Variants in CRACDL observed in about 807,000 individuals in gnomAD.
CRACDL encodes the protein CRACD like.
CRACDL carries 26 observed loss-of-function variants against 70.6 expected under a neutral mutation model. The ratio of observed to expected loss-of-function variants is 0.37; its 90% CI spans 0.27 to 0.51. The LOEUF (loss-of-function observed/expected upper bound fraction) is 0.51. Among genes scored for constraint, CRACDL ranks in the 20% least tolerant of loss-of-function variants. The pLI, the probability that CRACDL is intolerant of heterozygous loss-of-function variation, is 0.94. For synonymous variants in CRACDL, 618 were observed against 615.2 expected (o/e 1.00, Z -0.07); for missense variants, 1,283 against 1,376.9 (o/e 0.93, Z 1.08).
chr2:98,849,247 G>A (rs1706384221), intron 1 of CRACDL, among the ~76,000 whole-genome samples: 1 of 152,194 alleles, frequency 6.6e-6, no homozygotes, highest in African/African-American at 2.4e-5. Context: ...CTTCGTCTGG[G>A]GAAAGGAACC....
At chr2:98,844,825 T>C (rs1706182281) in intron 2 of CRACDL, among the ~76,000 whole-genome samples, 2 of 152,234 alleles carry the variant, frequency 1.3e-5, no homozygotes, top group African/African-American at 4.8e-5. Flanking sequence ...GTGAATGTTA[T>C]TTGCTTCTGA....
intron 3 of CRACDL, among the ~76,000 whole-genome samples, chr2:98,834,710 A>C (rs1052085591): frequency 6.6e-6 from 1 of 152,224 alleles, no homozygotes; most frequent in African/African-American, 2.4e-5. Flanking sequence ...AAAAGATGAA[A>C]CCAAACAAAA....
chr2:98,863,759 G>C (rs980595765), intron 1 of CRACDL, among the ~76,000 whole-genome samples: 5 of 152,128 alleles, frequency 3.3e-5, no homozygotes, highest in African/African-American at 1.2e-4. Context: ...TTCAATTTAT[G>C]ATGGGTATAT....
At chr2:98,821,795 T>G (rs1250030447) in intron 7 of CRACDL, 62 bp downstream of exon 7, 5 of 1,569,314 alleles carry the variant, frequency 3.2e-6, no homozygotes, top group Non-Finnish European at 8.6e-7. Context: ...TCCAGCAAGA[T>G]GTGCCCGTGG....
chr2:98,822,986 G>A lies in CRACDL; in HGVS notation c.1287C>T (p.Asp429=). The A allele has an allele frequency of 1.3e-6, 2 of 1,490,664 alleles. No individual in the cohort carries two copies. The highest frequency in any genetic ancestry group is 2.3e-5 in the Admixed American group (1 of 44,110). The allele number at this position is 1,490,664 out of a possible 1,614,324, so 92.3% of individuals were successfully genotyped here. A position where few individuals can be genotyped will look rare whatever the true frequency, so the allele number is the denominator to read the frequency against. Residue 429 remains aspartate, a synonymous_variant, in exon 7 of 10, where the codon GAC becomes GAT. Transcript: ENST00000397899. This position sits in a 1 kb window ranked among gnomAD's most constrained non-coding sequence, Gnocchi z 4.9. The part of the protein sequence containing the change: ...AATSEAPSAR[D]GPERSVPKEA... ...CCTTCGGGACACTGCGTTCTGGCCC[G>A]TCGCGAGCAGAGGGCGCCTCTGAGG...
intron 1 of CRACDL, among the ~76,000 whole-genome samples, chr2:98,902,199 T>C (rs1306284940): frequency 1.3e-5 from 2 of 152,264 alleles, no homozygotes; most frequent in Middle Eastern, 3.4e-3. Flanking sequence ...AAGAATGTCA[T>C]CAATGAAAGG....
chr2:98,811,532 A>G (rs1473623003), intron 7 of CRACDL, among the ~76,000 whole-genome samples: 2 of 151,600 alleles, frequency 1.3e-5, no homozygotes, highest in African/African-American at 4.8e-5. Context: ...AAAAAAAAAA[A>G]AAAAAAAGAA....
At chr2:98,842,318 A>G (rs1180946935) in intron 2 of CRACDL, among the ~76,000 whole-genome samples, 1 of 151,746 alleles carries the variant, frequency 6.6e-6, no homozygotes, top group African/African-American at 2.4e-5. Flanking sequence ...TTTTACATAA[A>G]TTTAATTTAA....
intron 1 of CRACDL, among the ~76,000 whole-genome samples, chr2:98,874,787 C>A (rs1317833904): frequency 6.6e-6 from 1 of 152,172 alleles, no homozygotes; most frequent in East Asian, 1.9e-4. Context: ...GCACAGGGGA[C>A]AAATGCTGGT....
chr2:98,907,591 C>G lies in CRACDL; in HGVS notation c.-11+28347G>C, dbSNP rs536174302. Among the ~76,000 whole-genome samples, 10 of 152,336 alleles carry G rather than the reference C, an allele frequency of 6.6e-5. No homozygotes were observed. In the South Asian group the frequency reaches 2.1e-3, roughly 32 times the overall value. The stretch of plus-strand genomic sequence containing the variant: ...TGATCTCGGTTTCTTGTGCTCAGCT[C>G]TCTGGTGGCCTCTGCTTCCCTTGTA... On this transcript the variant is annotated intron_variant, in intron 1 of 9. Coordinates refer to ENST00000397899, the MANE Select transcript of CRACDL (RefSeq NM_207362.3).
At chr2:98,905,653 G>C (rs1209082233) in intron 1 of CRACDL, among the ~76,000 whole-genome samples, 2 of 145,582 alleles carry the variant, frequency 1.4e-5, no homozygotes, top group Non-Finnish European at 3.0e-5. Flanking sequence ...TTTTGAGACA[G>C]AGTCTCGTTC....
At chr2:98,834,096 G>T (rs895031983) in intron 3 of CRACDL, among the ~76,000 whole-genome samples, 1 of 152,210 alleles carries the variant, frequency 6.6e-6, no homozygotes, top group Non-Finnish European at 1.5e-5. Flanking sequence ...GCCAAGGGCA[G>T]CTCTTAACCC....
At chr2:98,928,016 G>A (rs1001411969) in intron 1 of CRACDL, among the ~76,000 whole-genome samples, 2 of 151,696 alleles carry the variant, frequency 1.3e-5, no homozygotes, top group African/African-American at 2.4e-5. Context: ...CCCTGTCTCT[G>A]CTAAAAATAC....
chr2:98,843,587 A>C (rs1306510574), intron 2 of CRACDL, among the ~76,000 whole-genome samples: 2 of 152,190 alleles, frequency 1.3e-5, no homozygotes, highest in Non-Finnish European at 2.9e-5. Flanking sequence ...TTGCATATGA[A>C]TGTCCAATTG....
chr2:98,882,910 G>A (rs1004292129), intron 1 of CRACDL, among the ~76,000 whole-genome samples: 1 of 152,336 alleles, frequency 6.6e-6, no homozygotes, highest in South Asian at 2.1e-4. Context: ...GATTCACAGG[G>A]TAGAGGGATG....
intron 1 of CRACDL, among the ~76,000 whole-genome samples, chr2:98,894,188 C>A (rs1708057098): frequency 6.6e-6 from 1 of 152,160 alleles, no homozygotes; most frequent in African/African-American, 2.4e-5. Flanking sequence ...TCTTTCCAAG[C>A]GGAAAGCGAT....
At chr2:98,882,041 C>T (rs1219406479) in intron 1 of CRACDL, among the ~76,000 whole-genome samples, 1 of 152,170 alleles carries the variant, frequency 6.6e-6, no homozygotes, top group Non-Finnish European at 1.5e-5. Flanking sequence ...TGTGGGGGCA[C>T]CTGGTTCCAC....
intron 1 of CRACDL, among the ~76,000 whole-genome samples, chr2:98,895,394 A>G (rs1708092560): frequency 6.6e-6 from 1 of 152,216 alleles, no homozygotes; most frequent in African/African-American, 2.4e-5. Flanking sequence ...ACTAGGCTGA[A>G]GTTGGACAGG....
chr2:98,844,753 AT>A (rs1706179189), intron 2 of CRACDL, among the ~76,000 whole-genome samples: 1 of 152,242 alleles, frequency 6.6e-6, no homozygotes, highest in East Asian at 1.9e-4. Context: ...TATGCTTGTC[AT>A]GATACTGAAA....
Sources: gnomAD v4.1 joint callset for allele counts (sites outside exome capture counted in the v4.1 genomes callset) on GRCh38, gnomAD v4.1.1 for gene constraint, Gnocchi (gnomAD v3.1) non-coding constraint, MANE v1.5 for transcripts, NCBI Gene and HGNC (gene_info 2026-07-23, HGNC 2026-07-21) for gene names.